EBF1: variants seen among roughly 807,000 people sequenced by gnomAD.
EBF1 encodes the protein EBF transcription factor 1, also known as transcription factor COE1.
EBF1 carries 10 observed loss-of-function variants against 68.4 expected under a neutral mutation model. The observed-to-expected ratio is 0.15, with a 90% CI of 0.09 to 0.25. The LOEUF (loss-of-function observed/expected upper bound fraction) is 0.25, where lower values mean the gene tolerates loss of function less well. Ranked by LOEUF, EBF1 falls within the 10% of genes least tolerant of loss-of-function variation. EBF1 has a pLI of 1.00. For synonymous variants in EBF1, 298 were observed against 299.8 expected (o/e 0.99, Z 0.06); for missense variants, 509 against 794.4 (o/e 0.64, Z 4.32).
intron 6 of EBF1, among the ~76,000 whole-genome samples, chr5:158,861,235 A>G (rs1312846121): frequency 6.6e-6 from 1 of 152,240 alleles, no homozygotes; most frequent in Non-Finnish European, 1.5e-5. Flanking sequence ...GAAGAGAAAC[A>G]TTATTAATGG....
At chr5:158,956,934 A>T (rs1817256303) in intron 6 of EBF1, among the ~76,000 whole-genome samples, 1 of 151,734 alleles carries the variant, frequency 6.6e-6, no homozygotes, top group Admixed American at 6.6e-5. Flanking sequence ...AATTTTTTGT[A>T]TTTTTAGTAG....
intron 10 of EBF1, among the ~76,000 whole-genome samples, chr5:158,746,650 A>G (rs1767638909): frequency 6.6e-6 from 1 of 152,168 alleles, no homozygotes; most frequent in Admixed American, 6.5e-5. Flanking sequence ...CAACAAGGAA[A>G]AAAAAAGTGA....
intron 6 of EBF1, among the ~76,000 whole-genome samples, chr5:158,921,933 A>G (rs906912575): frequency 5.3e-5 from 8 of 152,194 alleles, no homozygotes; most frequent in African/African-American, 1.9e-4. Context: ...GCATCAAAAG[A>G]TGATTCCCTT....
intron 6 of EBF1, among the ~76,000 whole-genome samples, chr5:158,896,142 C>T (rs1382732434): frequency 6.6e-6 from 1 of 152,082 alleles, no homozygotes; most frequent in Non-Finnish European, 1.5e-5. Context: ...TTTCAAATCA[C>T]TTTCAATCAA....
chr5:159,060,538 G>C (rs182699324), intron 6 of EBF1, among the ~76,000 whole-genome samples: 1 of 151,928 alleles, frequency 6.6e-6, no homozygotes, highest in Non-Finnish European at 1.5e-5. Context: ...TCTCATAACC[G>C]AATATCTATT....
intron 8 of EBF1, among the ~76,000 whole-genome samples, chr5:158,822,291 T>TGGATGGAC (rs1405155727): frequency 1.3e-5 from 2 of 151,470 alleles, no homozygotes; most frequent in African/African-American, 4.9e-5. Context: ...GATGGATGGA[T>TGGATGGAC]GGATGGATGG....
At chr5:159,085,969 A>G (rs1268045344) in intron 4 of EBF1, among the ~76,000 whole-genome samples, 1 of 152,176 alleles carries the variant, frequency 6.6e-6, no homozygotes, top group Non-Finnish European at 1.5e-5. Flanking sequence ...TGAACATTGC[A>G]GTAAAATAAA....
chr5:158,818,908 AG>A (rs2127833800), intron 8 of EBF1, among the ~76,000 whole-genome samples: 1 of 151,428 alleles, frequency 6.6e-6, no homozygotes, highest in East Asian at 1.9e-4. Context: ...ATAAATATGA[AG>A]GATGCACATA....
intron 10 of EBF1, among the ~76,000 whole-genome samples, chr5:158,754,536 C>T (rs1415875891): frequency 6.6e-6 from 1 of 152,186 alleles, no homozygotes; most frequent in Non-Finnish European, 1.5e-5. Flanking sequence ...GAGAAGGAAG[C>T]AAGTGATATG....
At chr5:158,725,380 T>A (rs944291045) in intron 11 of EBF1, among the ~76,000 whole-genome samples, 1 of 152,208 alleles carries the variant, frequency 6.6e-6, no homozygotes, top group Non-Finnish European at 1.5e-5. Flanking sequence ...TCAATCCCCA[T>A]GTCACTGACT....
chr5:158,756,774 C>A (rs1416669008), intron 10 of EBF1, among the ~76,000 whole-genome samples: 4 of 151,540 alleles, frequency 2.6e-5, no homozygotes, highest in Admixed American at 6.6e-5. Context: ...CAAATTCAAA[C>A]TGGAGAGACA....
At chr5:159,081,606 T>G (rs1750098470) in intron 5 of EBF1, among the ~76,000 whole-genome samples, 1 of 152,120 alleles carries the variant, frequency 6.6e-6, no homozygotes. Flanking sequence ...GGAATCAGAA[T>G]AAGCCAGTAA....
At chr5:158,999,545 C>T (rs76424982) in intron 6 of EBF1, among the ~76,000 whole-genome samples, 1 of 152,162 alleles carries the variant, frequency 6.6e-6, no homozygotes, top group Admixed American at 6.5e-5. Context: ...TGTAACTATA[C>T]ACAAATATTT....
chr5:158,980,681 ATTCCCCCT>A (rs1207270313), intron 6 of EBF1, among the ~76,000 whole-genome samples: 4 of 152,234 alleles, frequency 2.6e-5, no homozygotes, highest in African/African-American at 9.6e-5. Flanking sequence ...ATCTCATGGC[ATTCCCCCT>A]TTGAATGTAG....
Position 159,050,190 on chromosome 5 carries a change from T to C in EBF1, c.554+23206A>G, listed in dbSNP as rs1297415718. Among the ~76,000 whole-genome samples the C allele has an allele frequency of 3.3e-3, 450 of 137,092 alleles. 1 individual carries two copies. Among genetic ancestry groups the C allele is most frequent in the African/African-American group, 8.7e-3 (313 of 35,826 alleles). 89.9% of individuals were successfully genotyped at this position (137,092 alleles called of 152,430 possible). On this transcript the variant is annotated intron_variant, in intron 6 of 15. Coordinates refer to ENST00000313708, the MANE Select transcript of EBF1 (RefSeq NM_024007.5). ...TCTCTCTCTCTCTCTCTTCTCTCTT[T>C]TCTCTCTCTCTCCTCTCCTCCCTCT...
intron 6 of EBF1, among the ~76,000 whole-genome samples, chr5:158,859,183 A>T (rs569094085): frequency 2.6e-4 from 40 of 152,298 alleles, no homozygotes; most frequent in African/African-American, 8.7e-4. Context: ...ATGCATTTAC[A>T]TTGGTCTTTA....
intron 6 of EBF1, among the ~76,000 whole-genome samples, chr5:158,964,767 T>C (rs1009975730): frequency 2.6e-5 from 4 of 152,226 alleles, no homozygotes; most frequent in Non-Finnish European, 5.9e-5. Context: ...CCAAGTGCTC[T>C]AATTTTCATT....
At chr5:159,061,833 T>A (rs1775905294) in intron 6 of EBF1, among the ~76,000 whole-genome samples, 1 of 152,040 alleles carries the variant, frequency 6.6e-6, no homozygotes, top group Non-Finnish European at 1.5e-5. Context: ...AATGCTGAGG[T>A]TAGTTTAATA....
At chr5:158,821,429 C>A (rs1381248290) in intron 8 of EBF1, among the ~76,000 whole-genome samples, 1 of 152,194 alleles carries the variant, frequency 6.6e-6, no homozygotes, top group Non-Finnish European at 1.5e-5. Context: ...CAGGAGCTTT[C>A]TCACTGGCTT....
Sources: gnomAD v4.1 joint callset for allele counts (sites outside exome capture counted in the v4.1 genomes callset) on GRCh38, gnomAD v4.1.1 for gene constraint, MANE v1.5 for transcripts, NCBI Gene and HGNC (gene_info 2026-07-23, HGNC 2026-07-21) for gene names.